OTUD7A: variants seen among roughly 807,000 people sequenced by gnomAD.
OTUD7A encodes the protein OTU domain-containing protein 7A.
A neutral mutation model predicts 65.7 loss-of-function variants in OTUD7A; 12 were observed. The ratio of observed to expected loss-of-function variants is 0.18; its 90% CI spans 0.12 to 0.30. The LOEUF is 0.30. Among genes scored for constraint, OTUD7A ranks in the 10% least tolerant of loss-of-function variants. The pLI, the probability that OTUD7A is intolerant of heterozygous loss-of-function variation, is 1.00. For missense variants in OTUD7A, 1,148 were observed against 1,304.8 expected (o/e 0.88, Z 1.85); for synonymous variants, 641 against 586.3 (o/e 1.09, Z -1.35).
intron 1 of OTUD7A, among the ~76,000 whole-genome samples, chr15:31,869,657 G>A (rs1020141343): frequency 6.6e-6 from 1 of 152,142 alleles, no homozygotes; most frequent in African/African-American, 2.4e-5. Context: ...CAAGCCAATA[G>A]ACAGAAATAA....
At chr15:31,569,773 T>G (rs1262415675) in intron 4 of OTUD7A, among the ~76,000 whole-genome samples, 1 of 152,190 alleles carries the variant, frequency 6.6e-6, no homozygotes, top group Non-Finnish European at 1.5e-5. Flanking sequence ...TTTACTCACT[T>G]ATTGGGCTTT....
chr15:31,592,828 C>A lies in OTUD7A; in HGVS notation c.152-22631G>T, dbSNP rs187556529. 2.3e-5 allele frequency among the ~76,000 whole-genome samples: 3 copies of A among 129,672 alleles called. No homozygotes were observed. In the East Asian group the frequency reaches 7.5e-4, roughly 32 times the overall value. The allele number at this position is 129,672 out of a possible 152,430, so 85.1% of individuals were successfully genotyped here. A position where few individuals can be genotyped will look rare whatever the true frequency, so the allele number is the denominator to read the frequency against. ...CCAGGAGGCGGCGCTTGCAGTGAGC[C>A]GAGATCGTGCCCCTGCGCTCCAGCC... On this transcript the variant is annotated intron_variant, in intron 3 of 12. Transcript: ENST00000307050.
At chr15:31,854,415 T>C (rs113339536) in intron 1 of OTUD7A, among the ~76,000 whole-genome samples, 88 of 152,300 alleles carry the variant, frequency 5.8e-4, no homozygotes, top group Middle Eastern at 3.4e-3. Flanking sequence ...GACAGGAACA[T>C]CTCTGGGGGG....
At chr15:31,559,261 A>T in intron 4 of OTUD7A, 74 bp from the exon 5 acceptor site, 1 of 1,368,974 alleles carries the variant, frequency 7.3e-7, no homozygotes, top group Non-Finnish European at 1.0e-6. Flanking sequence ...ATAAACACAC[A>T]TACTATGCAC....
At chr15:31,649,015 C>T (rs2654155) in intron 3 of OTUD7A, among the ~76,000 whole-genome samples, 20 of 152,262 alleles carry the variant, frequency 1.3e-4, no homozygotes, top group East Asian at 7.7e-4. Context: ...CCAGCCTAGG[C>T]CTCCCAAAGT....
At chr15:31,676,566 A>G (rs1202409291) in intron 1 of OTUD7A, among the ~76,000 whole-genome samples, 3 of 152,228 alleles carry the variant, frequency 2.0e-5, no homozygotes, top group Non-Finnish European at 4.4e-5. Context: ...TGATACGAGA[A>G]GCTGTGCTGG....
chr15:31,686,525 T>G (rs1419834586), intron 1 of OTUD7A, among the ~76,000 whole-genome samples: 1 of 152,232 alleles, frequency 6.6e-6, no homozygotes, highest in African/African-American at 2.4e-5. Flanking sequence ...ACCTTTGGGT[T>G]TGCTCCTGGG....
intron 8 of OTUD7A, among the ~76,000 whole-genome samples, chr15:31,511,773 T>C (rs1451928382): frequency 6.9e-6 from 1 of 145,974 alleles, no homozygotes; most frequent in African/African-American, 2.5e-5. Flanking sequence ...CATACATATA[T>C]ATGTATATAT....
At chr15:31,841,652 G>A (rs1022795579) in intron 1 of OTUD7A, among the ~76,000 whole-genome samples, 1 of 152,126 alleles carries the variant, frequency 6.6e-6, no homozygotes, top group African/African-American at 2.4e-5. Flanking sequence ...CCTCTGTCAA[G>A]ACCAGTACTC....
chr15:31,651,548 T>C (rs1488692704), intron 3 of OTUD7A, among the ~76,000 whole-genome samples: 2 of 148,512 alleles, frequency 1.3e-5, no homozygotes, highest in Admixed American at 6.8e-5. Flanking sequence ...GATAACATGA[T>C]CACCTATGTA....
chr15:31,557,584 A>C, intron 5 of OTUD7A: 1 of 151,856 alleles, frequency 6.6e-6, no homozygotes, highest in South Asian at 2.1e-4. Flanking sequence ...TCCATCAGCC[A>C]CTCTCATCCC....
chr15:31,537,085 G>GAATAGAAAT (rs34348888), intron 5 of OTUD7A, among the ~76,000 whole-genome samples: 1 of 152,092 alleles, frequency 6.6e-6, no homozygotes, highest in East Asian at 1.9e-4. Context: ...GTTTCTATCA[G>GAATAGAAAT]AATAGAAATA....
At chr15:31,758,345 A>G (rs1242280154) in intron 1 of OTUD7A, among the ~76,000 whole-genome samples, 2 of 152,224 alleles carry the variant, frequency 1.3e-5, no homozygotes, top group Non-Finnish European at 2.9e-5. Context: ...CACACAGCCA[A>G]GAACGGCCCT....
At chr15:31,723,170 C>A (rs913056110) in intron 1 of OTUD7A, among the ~76,000 whole-genome samples, 3 of 152,194 alleles carry the variant, frequency 2.0e-5, no homozygotes, top group African/African-American at 7.2e-5. Context: ...CCTGCAGAGC[C>A]TGAGAACTCG....
chr15:31,682,875 T>C (rs550557969), intron 1 of OTUD7A, among the ~76,000 whole-genome samples: 20 of 152,302 alleles, frequency 1.3e-4, no homozygotes, highest in Non-Finnish European at 2.8e-4. Flanking sequence ...ATGTGCATGT[T>C]TGCATGCGCA....
intron 1 of OTUD7A, among the ~76,000 whole-genome samples, chr15:31,809,353 C>T (rs1001200086): frequency 1.5e-4 from 23 of 152,220 alleles, no homozygotes; most frequent in Admixed American, 1.3e-3. Context: ...GCCTTCCCAT[C>T]AGAATCTGGC....
At chr15:31,709,356 C>A (rs1893380897) in intron 1 of OTUD7A, among the ~76,000 whole-genome samples, 1 of 152,130 alleles carries the variant, frequency 6.6e-6, no homozygotes, top group Non-Finnish European at 1.5e-5. Flanking sequence ...CAGCGGGGCA[C>A]CACAGGTGTG....
intron 5 of OTUD7A, among the ~76,000 whole-genome samples, chr15:31,534,424 C>T (rs962561099): frequency 1.3e-5 from 2 of 152,154 alleles, no homozygotes; most frequent in East Asian, 3.8e-4. Flanking sequence ...AAAAAATCTA[C>T]ACAAACATAC....
Position 31,840,265 on chromosome 15 carries a change from C to CAAAT in OTUD7A, c.-100+30238_-100+30241dup, listed in dbSNP as rs573866593. 7.8e-3 allele frequency among the ~76,000 whole-genome samples: 1,176 copies of CAAAT among 151,668 alleles called. 10 individuals are homozygous for CAAAT. The highest frequency in any genetic ancestry group is 0.024 in the African/African-American group (979 of 41,298). The stretch of plus-strand genomic sequence containing the variant: ...TGAAACCCCATCTGTACTAAAAATA[C>CAAAT]AAATAAATAAATAAATAAATAAATT... On this transcript the variant is annotated intron_variant, in intron 1 of 12. Transcript: ENST00000307050.
Sources: allele counts gnomAD v4.1 joint callset (sites outside exome capture counted in the v4.1 genomes callset), GRCh38; gene constraint gnomAD v4.1.1; transcripts MANE v1.5; gene names NCBI Gene and HGNC (gene_info 2026-07-23, HGNC 2026-07-21).